SCNN1A: variants seen among roughly 807,000 people sequenced by gnomAD.
SCNN1A encodes the protein sodium channel epithelial 1 subunit alpha, also known as epithelial sodium channel subunit alpha.
SCNN1A carries 65 observed loss-of-function variants against 68.6 expected under a neutral mutation model. The ratio of observed to expected loss-of-function variants is 0.95; its 90% CI spans 0.78 to 1.16. The LOEUF (loss-of-function observed/expected upper bound fraction) is 1.16, where lower values mean the gene tolerates loss of function less well. SCNN1A is among the 50% of genes most tolerant of loss of function. The probability of loss-of-function intolerance (pLI) is 0.00; values close to 1 mark genes in which losing one functional copy is unlikely to be tolerated. For missense variants in SCNN1A, 880 were observed against 865.9 expected (o/e 1.02, Z -0.20); for synonymous variants, 357 against 353.3 (o/e 1.01, Z -0.12).
At position 6,370,841 on chromosome 12, in the gene SCNN1A, A is replaced by T. The variant is rs146022321; in HGVS notation, c.416+3527T>A. 8.4e-4 allele frequency among the ~76,000 whole-genome samples: 127 copies of T among 151,980 alleles called. 1 individual carries two copies. The highest frequency in any genetic ancestry group is 1.2e-3 in the Non-Finnish European group (82 of 67,962). On this transcript the variant is annotated intron_variant, in intron 2 of 12. Transcript: ENST00000228916. ...CATTTCCAGGAAAGAAGCTACCATG[A>T]CCTCCTTCATTGTTCAAGAACCCCA...
At chr12:6,359,600 GTC>G (rs200268328) in intron 4 of SCNN1A, among the ~76,000 whole-genome samples, 1 of 151,380 alleles carries the variant, frequency 6.6e-6, no homozygotes, top group Non-Finnish European at 1.5e-5. Context: ...AAAGTGCCTG[GTC>G]TCTCTCTCTC....
intron 8 of SCNN1A, among the ~76,000 whole-genome samples, chr12:6,352,958 C>T (rs566243931): frequency 4.9e-4 from 74 of 152,362 alleles, no homozygotes; most frequent in African/African-American, 1.6e-3. Context: ...CCCTGTGGGA[C>T]AGCTGGGCCC....
At position 6,349,758 on chromosome 12, in the gene SCNN1A, G is replaced by A. The variant is rs551345451; in HGVS notation, c.1361-353C>T. 19 of 255,338 alleles carry A rather than the reference G, an allele frequency of 7.4e-5. No homozygotes were observed. In the East Asian group the frequency reaches 9.0e-4, roughly 12 times the overall value. 15.8% of individuals were successfully genotyped at this position (255,338 alleles called of 1,614,324 possible). A position where few individuals can be genotyped will look rare whatever the true frequency, so the allele number is the denominator to read the frequency against. ...TAATTTTTTTTTTAGACGGAGTTTC[G>A]CTCTGTTGCCCACGCTAGAGTGCAG... On this transcript the variant is annotated intron_variant, in intron 8 of 12. Coordinates refer to ENST00000228916, the MANE Select transcript of SCNN1A (RefSeq NM_001038.6).
At chr12:6,371,221 G>A (rs998973531) in intron 2 of SCNN1A, among the ~76,000 whole-genome samples, 5 of 151,934 alleles carry the variant, frequency 3.3e-5, no homozygotes. Context: ...CGATCTCCTC[G>A]GTAGGAGTCA....
At chr12:6,375,766 A>G (rs2136917061), upstream of SCNN1A, 1 of 1,407,598 alleles carries the variant, frequency 7.1e-7, no homozygotes, top group Non-Finnish European at 9.2e-7. Flanking sequence ...ATGGCAGGTG[A>G]GGGGCAAAGA....
chr12:6,374,838 C>G lies in SCNN1A; in HGVS notation c.-54-1G>C. On this transcript the variant is annotated splice_acceptor_variant, in intron 1 of 12. Transcript: ENST00000228916. LOFTEE classifies it low-confidence loss of function (5UTR_SPLICE). This position sits in a 1 kb window ranked among gnomAD's most constrained non-coding sequence, Gnocchi z 6.2. ...GGTCCTGCTCCTCCAGCTTGTTCCC[C>G]TTCATGAGCCCCGGAGTGGATTGGG... 1.2e-6 allele frequency: 2 copies of G among 1,614,156 alleles called. No individual in the cohort carries two copies. The highest frequency in any genetic ancestry group is 1.7e-6 in the Non-Finnish European group (2 of 1,180,030).
chr12:6,371,931 G>C (rs1008707138), intron 2 of SCNN1A, among the ~76,000 whole-genome samples: 4 of 152,086 alleles, frequency 2.6e-5, no homozygotes, highest in Non-Finnish European at 4.4e-5. Flanking sequence ...CAAGTAGCTG[G>C]GACTACAGGC....
intron 6 of SCNN1A, 90 bp downstream of exon 6, chr12:6,355,182 C>A: frequency 7.0e-7 from 1 of 1,434,608 alleles, no homozygotes; most frequent in Non-Finnish European, 9.6e-7. Flanking sequence ...GCCCACCCCA[C>A]ATGCTCTCCC....
intron 4 of SCNN1A, 70 bp downstream of exon 4, chr12:6,361,981 T>G: frequency 2.0e-6 from 3 of 1,503,224 alleles, no homozygotes; most frequent in Non-Finnish European, 2.8e-6. Context: ...GCCCTGCCCA[T>G]GCAGGGCGTG....
intron 8 of SCNN1A, among the ~76,000 whole-genome samples, chr12:6,350,433 CAAA>C (rs757902358): frequency 9.2e-5 from 6 of 64,976 alleles, no homozygotes; most frequent in Admixed American, 1.8e-4. Context: ...GACTCCGTCT[CAAA>C]AAAAAAAAAA....
chr12:6,376,110 G>A, upstream of SCNN1A: 1 of 988,248 alleles, frequency 1.0e-6, no homozygotes, highest in Non-Finnish European at 1.2e-6. Flanking sequence ...GCACCCACAG[G>A]TCAGCCTCAC....
In SCNN1A at chr12:6,374,070, C is replaced by T. The variant is rs1055543878; in HGVS notation, c.416+298G>A. Reference sequence around the variant, plus strand: ...CTGCCCTTTTGCAAGCACTCCCTCCCACTTGCAGGAGGGAGAAGGGAATGG... The same window carrying T: ...CTGCCCTTTTGCAAGCACTCCCTCCTACTTGCAGGAGGGAGAAGGGAATGG... On this transcript the variant is annotated intron_variant, in intron 2 of 12. Transcript: ENST00000228916. This position sits in a 1 kb window ranked among gnomAD's most constrained non-coding sequence, Gnocchi z 6.2. 1.3e-5 allele frequency among the ~76,000 whole-genome samples: 2 copies of T among 152,180 alleles called. No homozygotes were observed. The highest frequency in any genetic ancestry group is 4.8e-5 in the African/African-American group (2 of 41,448).
intron 2 of SCNN1A, among the ~76,000 whole-genome samples, chr12:6,373,149 C>G (rs1032782977): frequency 6.6e-6 from 1 of 151,810 alleles, no homozygotes; most frequent in East Asian, 1.9e-4. Context: ...TTCTCTCTCT[C>G]TCCAGGACAG....
At chr12:6,375,676 A>G, upstream of SCNN1A, 1 of 1,463,400 alleles carries the variant, frequency 6.8e-7, no homozygotes, top group Non-Finnish European at 9.0e-7. Context: ...AGGGCAGGTG[A>G]ACTGGGAGTA....
At chr12:6,368,973 G>A (rs563943361) in intron 2 of SCNN1A, among the ~76,000 whole-genome samples, 113 of 152,248 alleles carry the variant, frequency 7.4e-4, no homozygotes, top group Middle Eastern at 3.4e-3. Context: ...AGAGACCATC[G>A]ACTATCAGGA....
At chr12:6,367,946 A>G (rs1321989064) in intron 2 of SCNN1A, among the ~76,000 whole-genome samples, 1 of 152,160 alleles carries the variant, frequency 6.6e-6, no homozygotes, top group East Asian at 1.9e-4. Flanking sequence ...GCTGGGCCTT[A>G]GGCATCAGCT....
intron 4 of SCNN1A, among the ~76,000 whole-genome samples, chr12:6,357,987 A>C (rs1286458092): frequency 6.6e-6 from 1 of 152,186 alleles, no homozygotes; most frequent in Non-Finnish European, 1.5e-5. Context: ...AGTAAGAGTG[A>C]AACTCCGTCT....
At chr12:6,367,891 C>T (rs1555114059) in intron 2 of SCNN1A, among the ~76,000 whole-genome samples, 1 of 152,208 alleles carries the variant, frequency 6.6e-6, no homozygotes, top group Non-Finnish European at 1.5e-5. Context: ...TTCACTTCCT[C>T]TTCCATTCAG....
chr12:6,370,259 A>G (rs1326684922), intron 2 of SCNN1A, among the ~76,000 whole-genome samples: 1 of 152,220 alleles, frequency 6.6e-6, no homozygotes, highest in Non-Finnish European at 1.5e-5. Flanking sequence ...ACTGGAGCCA[A>G]GATGTGAACC....
Sources: gnomAD v4.1 joint callset for allele counts (sites outside exome capture counted in the v4.1 genomes callset) on GRCh38, gnomAD v4.1.1 for gene constraint, Gnocchi (gnomAD v3.1) non-coding constraint, MANE v1.5 for transcripts, NCBI Gene and HGNC (gene_info 2026-07-23, HGNC 2026-07-21) for gene names.